SEC22C: variants seen among roughly 807,000 people sequenced by gnomAD.
The protein encoded by SEC22C is SEC22 homolog C, vesicle trafficking protein.
A neutral mutation model predicts 34.7 loss-of-function variants in SEC22C; 29 were observed. The ratio of observed to expected loss-of-function variants is 0.84; its 90% CI spans 0.62 to 1.14. The LOEUF (loss-of-function observed/expected upper bound fraction) is 1.14, where lower values mean the gene tolerates loss of function less well. Ranked by LOEUF, SEC22C falls within the 50% of genes most tolerant of loss-of-function variation. The pLI is 0.00. For synonymous variants in SEC22C, 117 were observed against 132.8 expected (o/e 0.88, Z 0.82); for missense variants, 337 against 369.0 (o/e 0.91, Z 0.71).
upstream of SEC22C, among the ~76,000 whole-genome samples, chr3:42,584,850 T>C (rs372540535): frequency 6.6e-6 from 1 of 152,066 alleles, no homozygotes; most frequent in Non-Finnish European, 1.5e-5. Flanking sequence ...ATATGGGGAA[T>C]TGGGGCCAGG....
chr3:42,563,652 T>G lies in SEC22C; in HGVS notation c.217A>C (p.Ile73Leu), dbSNP rs776953245. The G allele has an allele frequency of 6.8e-6, 11 of 1,613,960 alleles. No individual in the cohort carries two copies. In the African/African-American group the frequency reaches 9.3e-5, roughly 14 times the overall value. ...GCTGCTGGACACTGGCAGGAGCAGATAGCCATGCAGGCCACGTCCCCGAAA... is the reference window on the plus strand; with the variant it reads ...GCTGCTGGACACTGGCAGGAGCAGAGAGCCATGCAGGCCACGTCCCCGAAA... ...SSFGDVACMA[I>L]CSCQCPAAMA... Residue 73 changes from isoleucine (I) to leucine (L), a missense_variant, in exon 3 of 7, where the codon ATC (isoleucine) becomes CTC (leucine). Ile to Leu is a conservative substitution (Grantham distance 5). Coordinates refer to ENST00000264454, the MANE Select transcript of SEC22C (RefSeq NM_032970.4).
At chr3:42,572,436 A>C (rs1275569433) in intron 1 of SEC22C, among the ~76,000 whole-genome samples, 2 of 151,746 alleles carry the variant, frequency 1.3e-5, no homozygotes, top group African/African-American at 2.4e-5. Context: ...CCCATTCTCC[A>C]CCTCCCATCC....
chr3:42,599,167 G>A (rs1371627590), intron 1 of SEC22C, among the ~76,000 whole-genome samples: 182 of 149,960 alleles, frequency 1.2e-3, no homozygotes, highest in African/African-American at 4.3e-3. Context: ...GGGTTTCACC[G>A]TGTTAGCCAG....
chr3:42,566,496 G>A (rs1012096585), intron 2 of SEC22C, among the ~76,000 whole-genome samples: 7 of 151,612 alleles, frequency 4.6e-5, no homozygotes, highest in South Asian at 2.1e-4. Context: ...CTAACACGGT[G>A]AAACGCCGTC....
intron 1 of SEC22C, among the ~76,000 whole-genome samples, chr3:42,598,074 G>A (rs1184565487): frequency 6.6e-6 from 1 of 152,110 alleles, no homozygotes; most frequent in Non-Finnish European, 1.5e-5. Context: ...CCATTTCTGG[G>A]CATATATCCA....
intron 1 of SEC22C, chr3:42,587,482 A>T (rs1300633233): frequency 1.3e-5 from 2 of 152,122 alleles, no homozygotes; most frequent in African/African-American, 4.8e-5. Context: ...TAATCCCAGC[A>T]CTTTGGGAGG....
intron 1 of SEC22C, among the ~76,000 whole-genome samples, chr3:42,592,922 G>A (rs1474064201): frequency 2.0e-5 from 3 of 152,198 alleles, no homozygotes; most frequent in African/African-American, 7.2e-5. Flanking sequence ...CCTTCTTGAA[G>A]TTGTTGAACA....
intron 1 of SEC22C, chr3:42,591,396 T>C: frequency 1.5e-6 from 1 of 684,634 alleles, no homozygotes; most frequent in South Asian, 1.6e-5. Context: ...GGTTTCCCCA[T>C]GTTGGCCAGG....
At chr3:42,590,978 C>CGCGGGCGG (rs149010198) in intron 1 of SEC22C, 46 of 331,112 alleles carry the variant, frequency 1.4e-4, no homozygotes, top group Admixed American at 2.6e-4. Flanking sequence ...TGAGCATCCA[C>CGCGGGCGG]GCGGGCGGGC....
chr3:42,600,918 C>T (rs1009278632), intron 1 of SEC22C: 1 of 1,022,002 alleles, frequency 9.8e-7, no homozygotes, highest in East Asian at 3.3e-5. Flanking sequence ...TCAGCCCCGC[C>T]CTCGCCCCTG....
chr3:42,553,183 A>G lies in SEC22C; in HGVS notation c.*65T>C. 3 of 1,587,918 alleles carry G rather than the reference A, an allele frequency of 1.9e-6. No individual in the cohort carries two copies. The highest frequency in any genetic ancestry group is 2.6e-6 in the Non-Finnish European group (3 of 1,170,206). ...AAACTGGAGTGTAAAGTAGAGAAGC[A>G]GAAAGAGAAACATAGATTGATCCTC... On this transcript the variant is annotated 3_prime_UTR_variant, in exon 7 of 7. Coordinates refer to ENST00000264454, the MANE Select transcript of SEC22C (RefSeq NM_032970.4).
At chr3:42,555,871 C>CAGA in intron 6 of SEC22C, 59 bp downstream of exon 6, 1 of 1,348,998 alleles carries the variant, frequency 7.4e-7, no homozygotes, top group Non-Finnish European at 1.1e-6. Context: ...GATAGATGAA[C>CAGA]AGAAGAACAA....
chr3:42,579,272 C>T (rs968346440), intron 1 of SEC22C, among the ~76,000 whole-genome samples: 1 of 148,134 alleles, frequency 6.8e-6, no homozygotes, highest in Admixed American at 6.7e-5. Context: ...AGCAAAACTC[C>T]ATCTCAAAAC....
In SEC22C at chr3:42,550,619, C is replaced by T. The variant is rs1702204491; in HGVS notation, c.*2629G>A. 1.5e-5 allele frequency: 15 copies of T among 985,246 alleles called. No individual in the cohort carries two copies. The highest frequency in any genetic ancestry group is 1.8e-5 in the Non-Finnish European group (15 of 829,908). The allele number at this position is 985,246 out of a possible 1,614,324, so 61.0% of individuals were successfully genotyped here. ...TCTTTTCCCTTTTGTTTGCAAAAGT[C>T]AATCTCACCCCATGTAGATGTTAAC... On this transcript the variant is annotated 3_prime_UTR_variant, in exon 7 of 7. Coordinates refer to ENST00000264454, the MANE Select transcript of SEC22C (RefSeq NM_032970.4).
At chr3:42,593,505 C>T (rs1704929166) in intron 1 of SEC22C, among the ~76,000 whole-genome samples, 1 of 152,112 alleles carries the variant, frequency 6.6e-6, no homozygotes, top group African/African-American at 2.4e-5. Flanking sequence ...GGGACTTGAG[C>T]TCGAGCATCC....
intron 2 of SEC22C, among the ~76,000 whole-genome samples, chr3:42,568,185 GCTTT>G (rs1274813740): frequency 5.3e-5 from 8 of 151,784 alleles, no homozygotes; most frequent in Non-Finnish European, 1.2e-4. Flanking sequence ...TTATTTCTTG[GCTTT>G]CTAACTCTCA....
In SEC22C at chr3:42,550,037, C is replaced by T; in HGVS notation, c.*3211G>A. The T allele has an allele frequency of 1.0e-6, 1 of 985,424 alleles. No individual in the cohort carries two copies. Among genetic ancestry groups the T allele is most frequent in the Non-Finnish European group, 1.2e-6 (1 of 829,932 alleles). 61.0% of individuals were successfully genotyped at this position (985,424 alleles called of 1,614,324 possible). On this transcript the variant is annotated 3_prime_UTR_variant, in exon 7 of 7. Coordinates refer to ENST00000264454, the MANE Select transcript of SEC22C (RefSeq NM_032970.4). ...TCTCATCACAGTAAGACTAGCCTAA[C>T]AGGGGAAAACAGATTTACATGTTTC... is the stretch of plus-strand genomic sequence containing the variant.
chr3:42,566,415 G>A (rs943284085), intron 2 of SEC22C, among the ~76,000 whole-genome samples: 2 of 152,154 alleles, frequency 1.3e-5, no homozygotes, highest in Admixed American at 1.3e-4. Context: ...GGTGGCTCAC[G>A]CCTGTAATCC....
chr3:42,596,554 C>A (rs1019489363), intron 1 of SEC22C, among the ~76,000 whole-genome samples: 1 of 152,202 alleles, frequency 6.6e-6, no homozygotes, highest in African/African-American at 2.4e-5. Flanking sequence ...CTTTCTACCA[C>A]TCTTGGAAGA....
Sources: gnomAD v4.1 joint callset for allele counts (sites outside exome capture counted in the v4.1 genomes callset) on GRCh38, gnomAD v4.1.1 for gene constraint, MANE v1.5 for transcripts, NCBI Gene and HGNC (gene_info 2026-07-23, HGNC 2026-07-21) for gene names.